Variants in SOX6 observed in about 807,000 individuals in gnomAD.
SOX6 encodes transcription factor SOX-6.
In SOX6, 11 loss-of-function variants were observed where a neutral mutation model predicts 97.8. The ratio of observed to expected loss-of-function variants is 0.11; its 90% CI spans 0.07 to 0.19. The LOEUF is 0.19. SOX6 is among the 10% of genes least tolerant of loss of function. The pLI, the probability that SOX6 is intolerant of heterozygous loss-of-function variation, is 1.00. For synonymous variants in SOX6, 360 were observed against 371.4 expected (o/e 0.97, Z 0.35); for missense variants, 810 against 1,039.5 (o/e 0.78, Z 3.04).
chr11:16,671,646 C>A (rs1294627963), intron 3 of SOX6, among the ~76,000 whole-genome samples: 2 of 152,076 alleles, frequency 1.3e-5, no homozygotes, highest in Non-Finnish European at 2.9e-5. Context: ...AATATGGAGT[C>A]ACGTAAAGAG....
chr11:16,499,852 C>T lies in SOX6; in HGVS notation n.610-23464G>A, dbSNP rs192958849. Among the ~76,000 whole-genome samples the T allele has an allele frequency of 3.5e-3, 530 of 152,196 alleles. 1 individual carries two copies. Among genetic ancestry groups the T allele is most frequent in the African/African-American group, 0.011 (452 of 41,536 alleles). On this transcript the variant is annotated intron_variant and non_coding_transcript_variant, in intron 4 of 5. Transcript: ENST00000524520. ...CAACCAAAAAAAGTCCAGGACCAGA[C>T]GGAGTCACAGCCGAATTCTACTAGA...
intron 3 of SOX6, among the ~76,000 whole-genome samples, chr11:16,660,575 A>C (rs1167757300): frequency 1.3e-5 from 2 of 152,336 alleles, no homozygotes; most frequent in East Asian, 3.9e-4. Flanking sequence ...TATTGAATGA[A>C]GTATTCTCTA....
At chr11:16,512,561 CT>C (rs1230705598) in intron 4 of SOX6, among the ~76,000 whole-genome samples, 1 of 146,102 alleles carries the variant, frequency 6.8e-6, no homozygotes, top group African/African-American at 2.6e-5. Flanking sequence ...TAAAGTAGTG[CT>C]TTTGGCTTCA....
intron 3 of SOX6, among the ~76,000 whole-genome samples, chr11:16,679,134 TGA>T (rs1389629698): frequency 6.6e-6 from 1 of 152,208 alleles, no homozygotes. Flanking sequence ...ATTCGAGCTC[TGA>T]GAGTGGACGG....
intron 7 of SOX6, among the ~76,000 whole-genome samples, chr11:16,107,196 T>A (rs973062129): frequency 2.0e-5 from 3 of 151,822 alleles, no homozygotes; most frequent in Admixed American, 6.6e-5. Flanking sequence ...TCTCAAAAGT[T>A]TAAACATAGA....
At chr11:16,336,628 A>G (rs1416380271) in intron 2 of SOX6, among the ~76,000 whole-genome samples, 3 of 152,190 alleles carry the variant, frequency 2.0e-5, no homozygotes, top group African/African-American at 7.2e-5. Flanking sequence ...TTTTAAAAAC[A>G]TAAATCAAAT....
chr11:16,046,542 A>T lies in SOX6; in HGVS notation c.1595T>A (p.Met532Lys). 1 of 1,613,580 alleles carries T rather than the reference A, an allele frequency of 6.2e-7. No homozygotes were observed. Among genetic ancestry groups the T allele is most frequent in the South Asian group, 1.1e-5 (1 of 91,080 alleles). The change falls in exon 12 of 16, where the codon ATG (methionine) becomes AAG (lysine). Residue 532 changes from methionine to lysine, a missense_variant. Met to Lys is a moderately conservative substitution (Grantham distance 95, BLOSUM62 -1). Transcript: ENST00000683767. ...TTCATTCCTGCAGCTGTTCAGCCCC[A>T]TATTATTTATGGAGGACAGTTTCCC... is the stretch of plus-strand genomic sequence containing the variant. ...VDGKLSSINN[M>K]GLNSCRNEKE...
chr11:16,479,565 G>T (rs1440972875), upstream of SOX6, among the ~76,000 whole-genome samples: 1 of 149,396 alleles, frequency 6.7e-6, no homozygotes, highest in Non-Finnish European at 1.5e-5. Flanking sequence ...ATACAAAGAA[G>T]AAATGTACAA....
At chr11:16,159,828 G>A (rs1225562003) in intron 6 of SOX6, among the ~76,000 whole-genome samples, 1 of 152,078 alleles carries the variant, frequency 6.6e-6, no homozygotes, top group African/African-American at 2.4e-5. Flanking sequence ...CAGAACATTA[G>A]GTAGGTGAAA....
chr11:16,512,283 T>C (rs1044471553), intron 4 of SOX6, among the ~76,000 whole-genome samples: 3 of 152,216 alleles, frequency 2.0e-5, no homozygotes, highest in Admixed American at 2.0e-4. Flanking sequence ...TAGTAACACA[T>C]GACATTTGTT....
intron 6 of SOX6, among the ~76,000 whole-genome samples, chr11:16,130,662 GA>G (rs200806533): frequency 5.3e-4 from 80 of 151,224 alleles, no homozygotes; most frequent in East Asian, 5.0e-3. Flanking sequence ...AATTTGATAT[GA>G]AAAAAAATAG....
chr11:16,732,185 A>G (rs1590068292), intron 2 of SOX6, among the ~76,000 whole-genome samples: 1 of 152,370 alleles, frequency 6.6e-6, no homozygotes, highest in South Asian at 2.1e-4. Flanking sequence ...TATAGATTCA[A>G]TGCTATCCCC....
At chr11:16,578,561 G>C (rs1848004506) in intron 4 of SOX6, among the ~76,000 whole-genome samples, 1 of 152,050 alleles carries the variant, frequency 6.6e-6, no homozygotes, top group Non-Finnish European at 1.5e-5. Flanking sequence ...AAGGCAAAGA[G>C]GAAGGAGTAA....
At chr11:15,973,162 T>C (rs1409352984) in intron 15 of SOX6, 50 bp from the exon 16 acceptor site, 1 of 1,577,716 alleles carries the variant, frequency 6.3e-7, no homozygotes, top group Non-Finnish European at 8.7e-7. Context: ...TATCTATATA[T>C]GTGCTATGTA....
chr11:16,013,729 T>C (rs2133861472), intron 13 of SOX6, among the ~76,000 whole-genome samples: 1 of 151,950 alleles, frequency 6.6e-6, no homozygotes, highest in Admixed American at 6.6e-5. Flanking sequence ...CAAACATTAG[T>C]CTTTCCTACT....
intron 1 of SOX6, among the ~76,000 whole-genome samples, chr11:16,466,599 C>T (rs1442267451): frequency 6.6e-6 from 1 of 151,004 alleles, no homozygotes; most frequent in Non-Finnish European, 1.5e-5. Flanking sequence ...TATCCACCAT[C>T]TATTAGGAAC....
chr11:16,280,638 C>T (rs535708776), intron 3 of SOX6, among the ~76,000 whole-genome samples: 6 of 152,136 alleles, frequency 3.9e-5, no homozygotes, highest in Middle Eastern at 3.4e-3. Context: ...TTCTTAAAAC[C>T]CAATCCAAAT....
intron 3 of SOX6, among the ~76,000 whole-genome samples, chr11:16,284,143 A>G (rs990062225): frequency 6.6e-6 from 1 of 152,144 alleles, no homozygotes; most frequent in Admixed American, 6.6e-5. Flanking sequence ...GCTGCTTCTG[A>G]TATCTCTTAC....
At chr11:16,687,527 G>T (rs553707887) in intron 3 of SOX6, among the ~76,000 whole-genome samples, 16 of 152,268 alleles carry the variant, frequency 1.1e-4, no homozygotes, top group Non-Finnish European at 1.9e-4. Context: ...TGATCCACCT[G>T]CCTCCCAAAG....
Sources: gnomAD v4.1 joint callset for allele counts (sites outside exome capture counted in the v4.1 genomes callset) on GRCh38, gnomAD v4.1.1 for gene constraint, MANE v1.5 for transcripts, NCBI Gene and HGNC (gene_info 2026-07-23, HGNC 2026-07-21) for gene names.